The following YTHDC1 variants were observed in gnomAD, a reference collection of about 807,000 sequenced individuals.
The protein encoded by YTHDC1 is YTH domain-containing protein 1.
YTHDC1 carries 12 observed loss-of-function variants against 107.0 expected under a neutral mutation model. The ratio of observed to expected loss-of-function variants is 0.11; its 90% CI spans 0.07 to 0.18. The LOEUF (loss-of-function observed/expected upper bound fraction) is 0.18, where lower values mean the gene tolerates loss of function less well. Ranked by LOEUF, YTHDC1 falls within the 10% of genes least tolerant of loss-of-function variation. YTHDC1 has a pLI of 1.00. For synonymous variants in YTHDC1, 280 were observed against 289.5 expected (o/e 0.97, Z 0.33); for missense variants, 635 against 898.8 (o/e 0.71, Z 3.75).
intron 16 of YTHDC1, 164 bp downstream of exon 16, chr4:68,316,150 G>A (rs1721831842): frequency 1.3e-6 from 1 of 751,064 alleles, no homozygotes. Context: ...AATCCAAAGG[G>A]GCATAATCAG....
rs1165788992 is a variant in YTHDC1, at chr4:68,322,209, T to C, written c.1601+540A>G. Among the ~76,000 whole-genome samples the C allele has an allele frequency of 6.6e-6, 1 of 152,180 alleles. No homozygotes were observed. The highest frequency in any genetic ancestry group is 1.5e-5 in the Non-Finnish European group (1 of 68,034). ...CAATAGGGTTAACACATCACGGTGA[T>C]AAAATCTGAAACAGTCCCAATAATG... is the stretch of plus-strand genomic sequence containing the variant. On this transcript the variant is annotated intron_variant, in intron 11 of 16. Transcript: ENST00000344157. The surrounding 1 kb of genome is among the most constrained non-coding windows in gnomAD (Gnocchi z 4.8).
rs768251263 is a variant in YTHDC1 at position 68,337,774 on chromosome 4, C to T, written c.257G>A (p.Ser86Asn). Residue 86 changes from serine to asparagine, a missense_variant, in exon 3 of 17, where the codon AGT (serine) becomes AAT (asparagine). Transcript: ENST00000344157. The part of the protein sequence containing the change: ...SSVSNNKRIV[S>N]TKGKSATEYK... ...CTCTGTGGCTGACTTTCCTTTTGTACTAACTATTCTTTTGTTATTGCTAAC... is the reference window on the plus strand; with the variant it reads ...CTCTGTGGCTGACTTTCCTTTTGTATTAACTATTCTTTTGTTATTGCTAAC... The T allele has an allele frequency of 1.9e-6, 3 of 1,614,088 alleles. No individual in the cohort carries two copies. The South Asian group carries it at 3.3e-5, about 18-fold the overall frequency.
chr4:68,325,824 G>C (rs1309821114), intron 9 of YTHDC1, among the ~76,000 whole-genome samples: 1 of 152,088 alleles, frequency 6.6e-6, no homozygotes, highest in Non-Finnish European at 1.5e-5. Context: ...ATGGAAGAGT[G>C]GTCAGTGAGT....
chr4:68,345,986 G>A (rs1467617104), intron 1 of YTHDC1, among the ~76,000 whole-genome samples: 5 of 151,276 alleles, frequency 3.3e-5, no homozygotes, highest in Admixed American at 2.0e-4. Flanking sequence ...CAACAAAACC[G>A]CCTAACAATG....
intron 2 of YTHDC1, 142 bp downstream of exon 2, chr4:68,338,141 T>C: frequency 7.7e-7 from 1 of 1,303,418 alleles, no homozygotes. Flanking sequence ...TCCCTATTCA[T>C]ATGGATACCA....
At chr4:68,319,785 T>C (rs370464432) in intron 12 of YTHDC1, among the ~76,000 whole-genome samples, 4 of 152,158 alleles carry the variant, frequency 2.6e-5, no homozygotes, top group South Asian at 4.1e-4. Context: ...CTAACTACCA[T>C]AGGGAACAAA....
chr4:68,321,211 TTGTC>T (rs532571158), intron 11 of YTHDC1, among the ~76,000 whole-genome samples: 4 of 152,212 alleles, frequency 2.6e-5, no homozygotes, highest in Non-Finnish European at 5.9e-5. Flanking sequence ...TTTCAGCTAT[TTGTC>T]TGAGTACCAA....
intron 1 of YTHDC1, among the ~76,000 whole-genome samples, chr4:68,343,691 C>T (rs894843633): frequency 6.6e-6 from 1 of 151,930 alleles, no homozygotes; most frequent in Admixed American, 6.6e-5. Flanking sequence ...CACCTGCCAC[C>T]ACGCCGAGCT....
intron 9 of YTHDC1, among the ~76,000 whole-genome samples, chr4:68,325,187 A>C (rs993395139): frequency 6.6e-6 from 1 of 152,228 alleles, no homozygotes; most frequent in African/African-American, 2.4e-5. Context: ...TTGCATCCCT[A>C]ACCTTTCTTC....
chr4:68,312,416 T>G lies in YTHDC1; in HGVS notation c.*1683A>C, dbSNP rs966634725. 3.3e-5 allele frequency: 5 copies of G among 152,228 alleles called. No individual in the cohort carries two copies. Among genetic ancestry groups the G allele is most frequent in the African/African-American group, 1.2e-4 (5 of 41,454 alleles). The allele number at this position is 152,228 out of a possible 1,614,324, so 9.4% of individuals were successfully genotyped here. On this transcript the variant is annotated 3_prime_UTR_variant, in exon 17 of 17. Transcript: ENST00000344157. ...ACTGTAGCTATCATCTTGTCTAGCT[T>G]ACTGATGAATACACAAAATGCCAAT...
At chr4:68,320,705 C>G (rs1282564751) in intron 11 of YTHDC1, among the ~76,000 whole-genome samples, 3 of 152,082 alleles carry the variant, frequency 2.0e-5, no homozygotes, top group Non-Finnish European at 4.4e-5. Flanking sequence ...TATTTTTCCT[C>G]TGCTTTGCAC....
chr4:68,349,658 C>T, intron 1 of YTHDC1, 68 bp downstream of exon 1: 1 of 551,998 alleles, frequency 1.8e-6, no homozygotes, highest in East Asian at 6.4e-5. Context: ...CCAACGACGA[C>T]CACTGCTCCA....
intron 15 of YTHDC1, among the ~76,000 whole-genome samples, chr4:68,316,824 A>G (rs1721908931): frequency 6.6e-6 from 1 of 152,232 alleles, no homozygotes. Flanking sequence ...CAAGGAGTTA[A>G]GTAACCTGCT....
intron 1 of YTHDC1, among the ~76,000 whole-genome samples, 193 bp from the exon 2 acceptor site, chr4:68,338,577 G>A (rs575720102): frequency 7.2e-5 from 11 of 152,300 alleles, no homozygotes; most frequent in African/African-American, 1.9e-4. Context: ...TTGGCCAGTC[G>A]TGGTGGCTCA....
intron 16 of YTHDC1, among the ~76,000 whole-genome samples, chr4:68,315,360 C>T (rs1721738860): frequency 1.3e-5 from 2 of 152,142 alleles, no homozygotes; most frequent in South Asian, 4.1e-4. Context: ...AAAAAAATGT[C>T]TCAAAGATAG....
chr4:68,342,705 T>G (rs570455467), intron 1 of YTHDC1, among the ~76,000 whole-genome samples: 17 of 152,322 alleles, frequency 1.1e-4, no homozygotes, highest in African/African-American at 3.6e-4. Context: ...CTTCACTGAC[T>G]TGAAAAAGTA....
In YTHDC1 at chr4:68,337,089, C is replaced by T. The variant is rs145769396; in HGVS notation, c.821G>A (p.Gly274Asp). 1 of 1,614,018 alleles carries T rather than the reference C, an allele frequency of 6.2e-7. No homozygotes were observed. The highest frequency in any genetic ancestry group is 8.5e-7 in the Non-Finnish European group (1 of 1,179,962). ...YDTRSEASDS[G>D]SESVSFTDGS... ...ATCTGTGAAGGAAACAGATTCAGAA[C>T]CAGAGTCACTGGCCTCACTTCGAGT... is the stretch of plus-strand genomic sequence containing the variant. The change falls in exon 4 of 17, where the codon GGT becomes GAT. Residue 274 changes from glycine to aspartate, a missense_variant. By Grantham distance (94) the Gly-to-Asp change is moderately conservative. Around this residue, in one of 5 missense-constraint regions of YTHDC1, gnomAD observed 294 missense variants for 312.3 expected, o/e 0.94. Transcript: ENST00000344157.
In YTHDC1 at chr4:68,337,263, TCTA is replaced by T. The variant is rs1724288062; in HGVS notation, c.644_646del (p.Val215del). ...CTCTTCATCTTCTTCTGCATCTTCT[TCTA>T]CTTCTTCATCTTCCTCCACATCTTC... is the stretch of plus-strand genomic sequence containing the variant. On this transcript the variant is annotated inframe_deletion, in exon 4 of 17. Transcript: ENST00000344157. The T allele has an allele frequency of 6.2e-7, 1 of 1,609,740 alleles. No individual in the cohort carries two copies.
intron 1 of YTHDC1, among the ~76,000 whole-genome samples, chr4:68,340,048 A>T (rs1724642874): frequency 6.6e-6 from 1 of 152,176 alleles, no homozygotes; most frequent in Non-Finnish European, 1.5e-5. Context: ...GGAAGTATAA[A>T]GCCATGAAAA....
Sources: gnomAD v4.1 joint callset for allele counts (sites outside exome capture counted in the v4.1 genomes callset) on GRCh38, gnomAD v4.1.1 for gene constraint, gnomAD v4.1.1 regional missense constraint, Gnocchi (gnomAD v3.1) non-coding constraint, MANE v1.5 for transcripts, NCBI Gene and HGNC (gene_info 2026-07-23, HGNC 2026-07-21) for gene names.